GAB1: variants seen among roughly 807,000 people sequenced by gnomAD.
GAB1 encodes the protein GRB2 associated binding protein 1.
Under a neutral mutation model 66.5 loss-of-function variants are expected in GAB1, and 19 were observed. The observed-to-expected ratio is 0.29, with a 90% CI of 0.20 to 0.42. GAB1 has a LOEUF of 0.42. Ranked by LOEUF, GAB1 falls within the 10% of genes least tolerant of loss-of-function variation. The pLI is 1.00. For missense variants in GAB1, 732 were observed against 858.5 expected (o/e 0.85, Z 1.84); for synonymous variants, 294 against 301.4 (o/e 0.98, Z 0.25).
chr4:143,451,984 C>A (rs1047664688), intron 6 of GAB1, among the ~76,000 whole-genome samples: 2 of 151,994 alleles, frequency 1.3e-5, no homozygotes, highest in African/African-American at 2.4e-5. Context: ...AAAAGAGCAC[C>A]CCGCTCTTTG....
At chr4:143,412,931 G>A (rs1303412815) in intron 1 of GAB1, among the ~76,000 whole-genome samples, 4 of 152,082 alleles carry the variant, frequency 2.6e-5, no homozygotes, top group Non-Finnish European at 5.9e-5. Flanking sequence ...TAGTATAGGG[G>A]CAAATGACAC....
rs116779653 is a variant in GAB1 at position 143,422,068 on chromosome 4, C to T, written c.367+6297C>T. 3.1e-3 allele frequency among the ~76,000 whole-genome samples: 477 copies of T among 152,174 alleles called. 1 individual carries two copies. Among genetic ancestry groups the T allele is most frequent in the African/African-American group, 0.011 (466 of 41,528 alleles). On this transcript the variant is annotated intron_variant, in intron 2 of 9. Transcript: ENST00000262994. ...ACTACTGCTATGTCTTATTTGTATC[C>T]ACTTGTTAGATTTGCCTTTTTGAAA...
At chr4:143,435,170 T>C (rs933776949) in intron 3 of GAB1, among the ~76,000 whole-genome samples, 2 of 152,206 alleles carry the variant, frequency 1.3e-5, no homozygotes, top group Non-Finnish European at 2.9e-5. Flanking sequence ...TAGAATATGT[T>C]AAGATTCACG....
intron 1 of GAB1, among the ~76,000 whole-genome samples, chr4:143,371,614 A>G (rs13104755): frequency 0.029 from 4,409 of 152,148 alleles, 73 homozygotes; most frequent in South Asian, 0.06. Flanking sequence ...TTAGTCTTGA[A>G]GTCCTTGCCC....
Position 143,469,057 on chromosome 4 carries a change from T to C in GAB1, c.1953T>C (p.Ser651=). The C allele has an allele frequency of 6.2e-7, 1 of 1,614,168 alleles. No homozygotes were observed. The change falls in exon 10 of 10, where the codon AGT becomes AGC. Residue 651 remains serine (S), a synonymous_variant. Coordinates refer to ENST00000262994, the MANE Select transcript of GAB1 (RefSeq NM_002039.4). ...AAAAGAGCAGTGGCTCAGGCAGCAG[T>C]GTAGCAGATGAGAGAGTGGATTATG... The part of the protein sequence containing the change: ...RKQKSSGSGS[S]VADERVDYVV...
At chr4:143,342,212 C>G (rs773863772) in intron 1 of GAB1, among the ~76,000 whole-genome samples, 28 of 152,178 alleles carry the variant, frequency 1.8e-4, no homozygotes, top group Non-Finnish European at 3.7e-4. Context: ...ATCTCCAAAT[C>G]TGATTGCTAC....
At chr4:143,458,363 GTA>G (rs765277077) in intron 6 of GAB1, among the ~76,000 whole-genome samples, 1 of 151,958 alleles carries the variant, frequency 6.6e-6, no homozygotes, top group Non-Finnish European at 1.5e-5. Context: ...GCCTCAATGC[GTA>G]TGGTCCTTTA....
intron 6 of GAB1, among the ~76,000 whole-genome samples, chr4:143,441,812 GTTC>G (rs1734258000): frequency 6.6e-6 from 1 of 152,154 alleles, no homozygotes; most frequent in Non-Finnish European, 1.5e-5. Context: ...TATGGCCTCA[GTTC>G]TGCCTCCTAG....
chr4:143,440,457 A>G (rs983642240), intron 6 of GAB1, 75 bp downstream of exon 6: 1 of 1,370,288 alleles, frequency 7.3e-7, no homozygotes, highest in African/African-American at 1.5e-5. Context: ...ATTAAATCCA[A>G]AATAGAATTT....
In GAB1 at chr4:143,400,157, G is replaced by A. The variant is rs540208723; in HGVS notation, c.73-15320G>A. ...AGGGTTTCACCATGTTGGCCAGACT[G>A]GTCTTGATCTCCTGATCTCAAATGA... On this transcript the variant is annotated intron_variant, in intron 1 of 9. Coordinates refer to ENST00000262994, the MANE Select transcript of GAB1 (RefSeq NM_002039.4). Among the ~76,000 whole-genome samples the A allele has an allele frequency of 5.9e-5, 9 of 152,206 alleles. No homozygotes were observed. In the East Asian group the frequency reaches 1.4e-3, roughly 23 times the overall value.
intron 6 of GAB1, among the ~76,000 whole-genome samples, chr4:143,440,715 T>C (rs751281800): frequency 1.3e-5 from 2 of 152,208 alleles, no homozygotes; most frequent in Admixed American, 1.3e-4. Context: ...CCTACACTGC[T>C]ACAATCCTTT....
intron 2 of GAB1, chr4:143,417,489 C>A: frequency 2.7e-6 from 1 of 368,192 alleles, no homozygotes. Context: ...CTCACTGCAA[C>A]CTCTGCCTCC....
chr4:143,411,192 G>A (rs1243559339), intron 1 of GAB1, among the ~76,000 whole-genome samples: 4 of 152,160 alleles, frequency 2.6e-5, no homozygotes, highest in Non-Finnish European at 4.4e-5. Context: ...CCCTGCCAGA[G>A]TTTGGGTTTT....
intron 1 of GAB1, among the ~76,000 whole-genome samples, chr4:143,369,567 G>A (rs763358101): frequency 6.6e-6 from 1 of 152,188 alleles, no homozygotes; most frequent in African/African-American, 2.4e-5. Flanking sequence ...AAAAAGTTTT[G>A]TGGTGTTTGC....
chr4:143,384,667 C>T (rs775458818), intron 1 of GAB1, among the ~76,000 whole-genome samples: 13 of 152,200 alleles, frequency 8.5e-5, no homozygotes, highest in Non-Finnish European at 1.9e-4. Context: ...AGAGCTCTTC[C>T]CTTCTGCTGG....
chr4:143,429,346 T>C (rs1411476007), intron 2 of GAB1, among the ~76,000 whole-genome samples: 2 of 152,184 alleles, frequency 1.3e-5, no homozygotes, highest in Admixed American at 6.5e-5. Context: ...ACAAGTGATC[T>C]GCCCTCCTCA....
chr4:143,402,134 A>G (rs756111996), intron 1 of GAB1, among the ~76,000 whole-genome samples: 5 of 152,298 alleles, frequency 3.3e-5, no homozygotes, highest in African/African-American at 1.2e-4. Flanking sequence ...ATTTAAACCA[A>G]TGCTATCCAA....
chr4:143,461,810 A>AT, intron 8 of GAB1, among the ~76,000 whole-genome samples: 1 of 152,338 alleles, frequency 6.6e-6, no homozygotes, highest in Non-Finnish European at 1.5e-5. Context: ...AGAGGTATAA[A>AT]ATATAAAGCC....
Position 143,471,899 on chromosome 4 carries a change from A to G in GAB1, c.*2710A>G, listed in dbSNP as rs1578770364. The G allele has an allele frequency of 6.6e-6, 1 of 152,150 alleles. No homozygotes were observed. The highest frequency in any genetic ancestry group is 1.5e-5 in the Non-Finnish European group (1 of 68,012). The allele number at this position is 152,150 out of a possible 1,614,324, so 9.4% of individuals were successfully genotyped here. A position where few individuals can be genotyped will look rare whatever the true frequency, so the allele number is the denominator to read the frequency against. ...ACGTATAAAAACTAAATTTGAATCA[A>G]ACCCTTTTAACTCACCTCCAAGAAG... On this transcript the variant is annotated 3_prime_UTR_variant, in exon 10 of 10. Transcript: ENST00000262994.
Sources: gnomAD v4.1 joint callset for allele counts (sites outside exome capture counted in the v4.1 genomes callset) on GRCh38, gnomAD v4.1.1 for gene constraint, MANE v1.5 for transcripts, NCBI Gene and HGNC (gene_info 2026-07-23, HGNC 2026-07-21) for gene names.